PCDH9: variants seen among roughly 807,000 people sequenced by gnomAD.
The protein encoded by PCDH9 is protocadherin-9.
A neutral mutation model predicts 70.6 loss-of-function variants in PCDH9; 24 were observed. The observed-to-expected ratio is 0.34, with a 90% CI of 0.25 to 0.48. PCDH9 has a LOEUF of 0.48. Among genes scored for constraint, PCDH9 ranks in the 20% least tolerant of loss-of-function variants. The pLI, the probability that PCDH9 is intolerant of heterozygous loss-of-function variation, is 0.99. For missense variants in PCDH9, 1,281 were observed against 1,503.6 expected (o/e 0.85, Z 2.45); for synonymous variants, 562 against 558.5 (o/e 1.01, Z -0.09).
intron 4 of PCDH9, among the ~76,000 whole-genome samples, chr13:66,522,779 C>T (rs2138613366): frequency 6.6e-6 from 1 of 151,944 alleles, no homozygotes; most frequent in South Asian, 2.1e-4. Flanking sequence ...TGGAATCTCC[C>T]CTTAAAACTT....
intron 2 of PCDH9, among the ~76,000 whole-genome samples, chr13:67,051,381 G>GTTTTTTTTTT (rs1566390103): frequency 3.4e-5 from 3 of 87,728 alleles, no homozygotes; most frequent in African/African-American, 8.6e-5. Context: ...AACAATACAA[G>GTTTTTTTTTT]ATTTTTTTTT....
intron 3 of PCDH9, among the ~76,000 whole-genome samples, chr13:66,902,873 G>A (rs942530026): frequency 2.6e-5 from 4 of 151,366 alleles, no homozygotes; most frequent in Admixed American, 1.3e-4. Flanking sequence ...TGGAATAATT[G>A]GCACTGGAAA....
chr13:66,536,477 T>C (rs930998299), intron 4 of PCDH9, among the ~76,000 whole-genome samples: 8 of 152,282 alleles, frequency 5.3e-5, no homozygotes, highest in Admixed American at 1.3e-4. Context: ...AAATGCTTCC[T>C]GTATATTTTA....
At chr13:66,455,981 G>A (rs77311994) in intron 4 of PCDH9, among the ~76,000 whole-genome samples, 2,986 of 152,052 alleles carry the variant, frequency 0.02, 89 homozygotes, top group African/African-American at 0.066. Flanking sequence ...AAACGATGTC[G>A]CATGAATATA....
chr13:67,099,528 T>A (rs985512691), intron 2 of PCDH9, among the ~76,000 whole-genome samples: 1 of 152,212 alleles, frequency 6.6e-6, no homozygotes, highest in Admixed American at 6.5e-5. Context: ...AATGAAATCA[T>A]GTAAAGAAAT....
At chr13:66,985,263 C>A (rs1325598004) in intron 2 of PCDH9, among the ~76,000 whole-genome samples, 1 of 152,010 alleles carries the variant, frequency 6.6e-6, no homozygotes, top group African/African-American at 2.4e-5. Context: ...CAATCCCTGG[C>A]AATAAATCCT....
At chr13:66,390,816 A>T (rs1239421338) in intron 4 of PCDH9, among the ~76,000 whole-genome samples, 1 of 152,100 alleles carries the variant, frequency 6.6e-6, no homozygotes, top group African/African-American at 2.4e-5. Context: ...TAGGAAATAG[A>T]ATCTGTATGA....
At chr13:66,460,955 A>T (rs1958413056) in intron 4 of PCDH9, among the ~76,000 whole-genome samples, 1 of 152,018 alleles carries the variant, frequency 6.6e-6, no homozygotes, top group East Asian at 1.9e-4. Context: ...TATGAAAAAG[A>T]TCACTGCAAG....
intron 2 of PCDH9, chr13:67,213,495 T>C (rs2089521714): frequency 6.6e-6 from 1 of 152,082 alleles, no homozygotes; most frequent in Admixed American, 6.6e-5. Context: ...TGGGATTAAA[T>C]AGAATTTACC....
intron 3 of PCDH9, among the ~76,000 whole-genome samples, chr13:66,771,035 A>G (rs1321882862): frequency 6.6e-6 from 1 of 152,096 alleles, no homozygotes; most frequent in Non-Finnish European, 1.5e-5. Flanking sequence ...ATTATGTTCC[A>G]CTATGTCTTC....
intron 2 of PCDH9, among the ~76,000 whole-genome samples, chr13:67,008,627 C>T (rs1374283157): frequency 6.6e-6 from 1 of 152,134 alleles, no homozygotes; most frequent in African/African-American, 2.4e-5. Flanking sequence ...TGCATCAAAT[C>T]ACCTCTTCTT....
intron 4 of PCDH9, among the ~76,000 whole-genome samples, chr13:66,326,661 C>A (rs1055994443): frequency 6.6e-6 from 1 of 152,072 alleles, no homozygotes; most frequent in African/African-American, 2.4e-5. Flanking sequence ...TCAGGTGATC[C>A]ACCTGCCTCA....
chr13:66,903,656 T>C (rs776549908), intron 2 of PCDH9, 51 bp from the exon 3 acceptor site: 2 of 779,734 alleles, frequency 2.6e-6, no homozygotes, highest in Non-Finnish European at 4.5e-6. Flanking sequence ...ATTTAGAGTG[T>C]CCATTGAGAG....
intron 4 of PCDH9, among the ~76,000 whole-genome samples, chr13:66,447,525 A>G (rs1214286216): frequency 1.3e-5 from 2 of 152,102 alleles, no homozygotes; most frequent in Admixed American, 6.6e-5. Flanking sequence ...TAATTTGGCA[A>G]TCTTTTCTAC....
chr13:66,503,059 A>T (rs1959185200), intron 4 of PCDH9, among the ~76,000 whole-genome samples: 1 of 152,030 alleles, frequency 6.6e-6, no homozygotes, highest in Admixed American at 6.6e-5. Context: ...GGATGGGGGG[A>T]GGAAGGAAAC....
chr13:66,989,531 G>T (rs908856269), intron 2 of PCDH9, among the ~76,000 whole-genome samples: 1 of 151,812 alleles, frequency 6.6e-6, no homozygotes, highest in African/African-American at 2.4e-5. Context: ...CTTCCTGATT[G>T]TAGAAATAGC....
intron 2 of PCDH9, among the ~76,000 whole-genome samples, chr13:67,190,049 A>C (rs2088867726): frequency 6.6e-6 from 1 of 152,058 alleles, no homozygotes; most frequent in South Asian, 2.1e-4. Flanking sequence ...TTGAAATCTT[A>C]CTTGCCAGTC....
At chr13:66,634,614 G>A (rs1046472702) in intron 3 of PCDH9, among the ~76,000 whole-genome samples, 2 of 152,074 alleles carry the variant, frequency 1.3e-5, no homozygotes, top group Admixed American at 6.6e-5. Context: ...TAAAAATAGT[G>A]TTCCTGGTAT....
intron 2 of PCDH9, chr13:67,207,987 T>C (rs766202841): frequency 3.9e-5 from 6 of 152,178 alleles, no homozygotes; most frequent in Admixed American, 2.0e-4. Context: ...AGTTTATTAA[T>C]CTACAAGCAT....
Sources: gnomAD v4.1 joint callset for allele counts (sites outside exome capture counted in the v4.1 genomes callset) on GRCh38, gnomAD v4.1.1 for gene constraint, MANE v1.5 for transcripts, NCBI Gene and HGNC (gene_info 2026-07-23, HGNC 2026-07-21) for gene names.